Variants in HNRNPLL observed in about 807,000 individuals in gnomAD.
HNRNPLL encodes heterogeneous nuclear ribonucleoprotein L like.
Under a neutral mutation model 67.1 loss-of-function variants are expected in HNRNPLL, and 25 were observed. The observed-to-expected ratio is 0.37, with a 90% confidence interval of 0.27 to 0.52. HNRNPLL has a LOEUF of 0.52. HNRNPLL is among the 20% of genes least tolerant of loss of function. The pLI is 0.90. For synonymous variants in HNRNPLL, 267 were observed against 241.7 expected (o/e 1.10, Z -0.97); for missense variants, 542 against 673.9 (o/e 0.80, Z 2.17).
chr2:38,596,092 T>C (rs1212952803), intron 1 of HNRNPLL, among the ~76,000 whole-genome samples: 2 of 152,086 alleles, frequency 1.3e-5, no homozygotes, highest in African/African-American at 4.8e-5. Flanking sequence ...CCTATGGCTG[T>C]TTCCAAATAT....
intron 2 of HNRNPLL, among the ~76,000 whole-genome samples, chr2:38,588,356 T>C (rs184055034): frequency 1.1e-3 from 164 of 151,928 alleles, no homozygotes; most frequent in African/African-American, 3.8e-3. Context: ...AAGGCCAGCC[T>C]GGCCAAGATG....
intron 1 of HNRNPLL, among the ~76,000 whole-genome samples, chr2:38,593,592 C>T (rs574467880): frequency 6.6e-6 from 1 of 152,232 alleles, no homozygotes; most frequent in South Asian, 2.1e-4. Flanking sequence ...CTAAGAGACA[C>T]AGCAACCAAA....
At chr2:38,570,257 A>C (rs1347863033) in intron 8 of HNRNPLL, among the ~76,000 whole-genome samples, 1 of 152,156 alleles carries the variant, frequency 6.6e-6, no homozygotes, top group Non-Finnish European at 1.5e-5. Flanking sequence ...AGGACTCGTT[A>C]ATATTTACTC....
chr2:38,584,566 T>C (rs1234309403), intron 3 of HNRNPLL, among the ~76,000 whole-genome samples: 1 of 152,176 alleles, frequency 6.6e-6, no homozygotes, highest in Non-Finnish European at 1.5e-5. Flanking sequence ...TCAATGAATA[T>C]TTTTTCCAAA....
intron 9 of HNRNPLL, 123 bp from the exon 10 acceptor site, chr2:38,569,457 T>C: frequency 1.6e-6 from 1 of 641,784 alleles, no homozygotes; most frequent in South Asian, 2.0e-5. Context: ...TACATAGAGC[T>C]ATTTAAATAG....
At chr2:38,602,384 C>A in intron 1 of HNRNPLL, 54 bp downstream of exon 1, 1 of 1,523,970 alleles carries the variant, frequency 6.6e-7, no homozygotes. Context: ...CACCGAGGCC[C>A]TGCTTCCCGG....
intron 3 of HNRNPLL, among the ~76,000 whole-genome samples, chr2:38,584,467 A>G (rs1666649089): frequency 6.6e-6 from 1 of 152,194 alleles, no homozygotes; most frequent in Non-Finnish European, 1.5e-5. Flanking sequence ...CACCTATTTT[A>G]TGTCCTAAAT....
At chr2:38,568,554 A>T (rs573765087) in intron 10 of HNRNPLL, 111 bp from the exon 11 acceptor site, 158 of 660,612 alleles carry the variant, frequency 2.4e-4, no homozygotes, top group Non-Finnish European at 6.0e-5. Flanking sequence ...AAATGAATGG[A>T]TTAAATCAAG....
At chr2:38,567,039 C>T (rs555827405) in intron 12 of HNRNPLL, among the ~76,000 whole-genome samples, 102 of 152,088 alleles carry the variant, frequency 6.7e-4, no homozygotes, top group African/African-American at 2.4e-3. Flanking sequence ...ATAGAAATAG[C>T]TCCAAGATAT....
At chr2:38,589,222 T>A (rs1666866392) in intron 2 of HNRNPLL, among the ~76,000 whole-genome samples, 1 of 152,180 alleles carries the variant, frequency 6.6e-6, no homozygotes. Context: ...ATTTTTAATA[T>A]CTTGTTATAT....
chr2:38,597,784 G>C (rs1012721853), intron 1 of HNRNPLL, among the ~76,000 whole-genome samples: 1 of 151,798 alleles, frequency 6.6e-6, no homozygotes, highest in African/African-American at 2.4e-5. Context: ...CGCCCCTCCA[G>C]GTTTAGCAAT....
chr2:38,573,941 C>T (rs921485667), intron 7 of HNRNPLL, among the ~76,000 whole-genome samples: 13 of 151,856 alleles, frequency 8.6e-5, no homozygotes, highest in Admixed American at 3.9e-4. Flanking sequence ...GTATCTTATT[C>T]CCCTAATTCT....
chr2:38,588,050 A>C (rs1409489026), intron 2 of HNRNPLL, among the ~76,000 whole-genome samples: 1 of 151,946 alleles, frequency 6.6e-6, no homozygotes, highest in Admixed American at 6.6e-5. Context: ...CATGATTCTA[A>C]GTTTTCTGAG....
intron 3 of HNRNPLL, among the ~76,000 whole-genome samples, chr2:38,585,334 GC>G (rs1423228959): frequency 1.3e-5 from 2 of 152,186 alleles, no homozygotes; most frequent in East Asian, 3.8e-4. Context: ...GCTGGCATAT[GC>G]GTGACAGAGA....
intron 1 of HNRNPLL, among the ~76,000 whole-genome samples, chr2:38,594,043 C>T (rs1410537354): frequency 1.3e-5 from 2 of 149,966 alleles, no homozygotes; most frequent in Non-Finnish European, 3.0e-5. Flanking sequence ...GGCATGGTGG[C>T]AGGTGCCTGT....
intron 8 of HNRNPLL, among the ~76,000 whole-genome samples, chr2:38,572,733 A>ACC (rs1558532032): frequency 1.3e-5 from 2 of 152,058 alleles, no homozygotes; most frequent in Non-Finnish European, 2.9e-5. Context: ...GGTTGAGCTA[A>ACC]ATGCACATGG....
chr2:38,585,196 A>C (rs1237893803), intron 3 of HNRNPLL, among the ~76,000 whole-genome samples: 2 of 152,214 alleles, frequency 1.3e-5, no homozygotes, highest in South Asian at 2.1e-4. Context: ...AAGAGTAAAG[A>C]AGCAGGGAAT....
At position 38,582,922 on chromosome 2, in the gene HNRNPLL, G is replaced by A. The variant is rs1160828226; in HGVS notation, c.633-754C>T. 4.7e-5 allele frequency among the ~76,000 whole-genome samples: 7 copies of A among 150,262 alleles called. 1 individual carries two copies. The highest frequency in any genetic ancestry group is 4.3e-4 in the South Asian group (2 of 4,698). ...GTACCAAAGAAAACATAATACAACC[G>A]AACTATCTACCTTAATTCTTTTAGG... On this transcript the variant is annotated intron_variant, in intron 4 of 12. Transcript: ENST00000449105.
At chr2:38,577,947 A>G (rs1301149746) in intron 6 of HNRNPLL, 1 of 471,636 alleles carries the variant, frequency 2.1e-6, no homozygotes, top group Non-Finnish European at 4.4e-6. Flanking sequence ...CTTCAACAGC[A>G]ACACATTTTC....
Sources: gnomAD v4.1 joint callset for allele counts (sites outside exome capture counted in the v4.1 genomes callset) on GRCh38, gnomAD v4.1.1 for gene constraint, MANE v1.5 for transcripts, NCBI Gene and HGNC (gene_info 2026-07-23, HGNC 2026-07-21) for gene names.